Variants in TULP4 observed in about 807,000 individuals in gnomAD.
The protein encoded by TULP4 is TUB like protein 4, also known as tubby-related protein 4.
TULP4 carries 16 observed loss-of-function variants against 129.0 expected under a neutral mutation model. The ratio of observed to expected loss-of-function variants is 0.12; its 90% CI spans 0.08 to 0.19. The LOEUF (loss-of-function observed/expected upper bound fraction) is 0.19, where lower values mean the gene tolerates loss of function less well. Among genes scored for constraint, TULP4 ranks in the 10% least tolerant of loss-of-function variants. The pLI, the probability that TULP4 is intolerant of heterozygous loss-of-function variation, is 1.00. For synonymous variants in TULP4, 998 were observed against 854.0 expected (o/e 1.17, Z -2.94); for missense variants, 1,842 against 2,059.1 (o/e 0.89, Z 2.04).
At chr6:158,425,428 A>G (rs1583862197) in intron 2 of TULP4, among the ~76,000 whole-genome samples, 1 of 144,728 alleles carries the variant, frequency 6.9e-6, no homozygotes. Context: ...CCGGAGAATC[A>G]CTTGAACCTG....
At chr6:158,423,108 C>T (rs951070035) in intron 2 of TULP4, among the ~76,000 whole-genome samples, 1 of 123,992 alleles carries the variant, frequency 8.1e-6, no homozygotes, top group African/African-American at 3.2e-5. Flanking sequence ...AAGACCCCTT[C>T]CTCCACAAAA....
chr6:158,398,325 T>C (rs1398239913), intron 1 of TULP4, among the ~76,000 whole-genome samples: 3 of 152,164 alleles, frequency 2.0e-5, no homozygotes, highest in African/African-American at 7.2e-5. Context: ...TGGGAAGAGA[T>C]TTAGCAGTTC....
intron 1 of TULP4, among the ~76,000 whole-genome samples, chr6:158,405,474 A>G (rs1393161512): frequency 6.6e-6 from 1 of 152,246 alleles, no homozygotes; most frequent in East Asian, 1.9e-4. Flanking sequence ...TGTGGGGGTC[A>G]AAAGGGCACC....
intron 2 of TULP4, among the ~76,000 whole-genome samples, chr6:158,421,519 G>A (rs957789937): frequency 3.3e-5 from 5 of 152,168 alleles, no homozygotes; most frequent in Non-Finnish European, 7.3e-5. Flanking sequence ...TAATGTTCAG[G>A]TTAAAATAAA....
intron 1 of TULP4, among the ~76,000 whole-genome samples, chr6:158,377,980 A>G (rs1362945601): frequency 1.3e-5 from 2 of 152,198 alleles, no homozygotes; most frequent in African/African-American, 4.8e-5. Context: ...GGTCAGCTGC[A>G]TTCAGCAAAA....
intron 6 of TULP4, among the ~76,000 whole-genome samples, chr6:158,462,912 G>A (rs1434854260): frequency 6.6e-6 from 1 of 151,952 alleles, no homozygotes; most frequent in Non-Finnish European, 1.5e-5. Context: ...ACCACGCCCG[G>A]CTAATTTTTG....
chr6:158,248,267 C>A (rs1400277621), intron 1 of TULP4, among the ~76,000 whole-genome samples: 1 of 151,730 alleles, frequency 6.6e-6, no homozygotes, highest in Non-Finnish European at 1.5e-5. Context: ...CATAGCCAGG[C>A]CTCGTCTTTT....
intron 1 of TULP4, among the ~76,000 whole-genome samples, chr6:158,317,614 C>T (rs1234427612): frequency 2.0e-5 from 3 of 152,132 alleles, no homozygotes; most frequent in African/African-American, 7.2e-5. Context: ...GTGAATAGTG[C>T]CGCAATAAAC....
chr6:158,485,716 T>C (rs1224895951), intron 8 of TULP4, among the ~76,000 whole-genome samples: 2 of 152,212 alleles, frequency 1.3e-5, no homozygotes, highest in Admixed American at 1.3e-4. Flanking sequence ...GACACCCCAG[T>C]AGGCCTGGAG....
chr6:158,429,633 T>G, intron 2 of TULP4, 103 bp from the exon 3 acceptor site: 1 of 1,283,202 alleles, frequency 7.8e-7, no homozygotes, highest in Non-Finnish European at 1.1e-6. Context: ...TAAGGCCATC[T>G]CCATCTTAGC....
chr6:158,328,853 C>T (rs1198425303), intron 1 of TULP4, among the ~76,000 whole-genome samples: 1 of 152,160 alleles, frequency 6.6e-6, no homozygotes, highest in African/African-American at 2.4e-5. Context: ...ATGGAGCTAC[C>T]TATTGGGCCT....
At chr6:158,367,477 T>G (rs943080552) in intron 1 of TULP4, among the ~76,000 whole-genome samples, 1 of 152,170 alleles carries the variant, frequency 6.6e-6, no homozygotes, top group Non-Finnish European at 1.5e-5. Context: ...AATAAATAAC[T>G]TAGTAAAGAA....
chr6:158,502,812 G>C lies in TULP4; in HGVS notation c.3149G>C (p.Gly1050Ala). The change falls in exon 13 of 14, where the codon GGA (glycine) becomes GCA (alanine). Residue 1050 changes from glycine (G) to alanine (A), a missense_variant. Gly to Ala is a moderately conservative substitution (Grantham distance 60). Coordinates refer to ENST00000367097, the MANE Select transcript of TULP4 (RefSeq NM_020245.5). ...GGCACAGGGCCCAGCTCACAGCCCGGAGCCTCCCTGGCCCATACCGCCAGC... is the reference window on the plus strand; with the variant it reads ...GGCACAGGGCCCAGCTCACAGCCCGCAGCCTCCCTGGCCCATACCGCCAGC... ...CSGTGPSSQPGASLAHTASAS... is the reference protein window; with the variant it reads ...CSGTGPSSQPAASLAHTASAS... 1 of 1,612,032 alleles carries C rather than the reference G, an allele frequency of 6.2e-7. No homozygotes were observed. Among genetic ancestry groups the C allele is most frequent in the Non-Finnish European group, 8.5e-7 (1 of 1,179,810 alleles).
At chr6:158,494,064 G>C (rs919468617) in intron 10 of TULP4, among the ~76,000 whole-genome samples, 10 of 152,136 alleles carry the variant, frequency 6.6e-5, no homozygotes, top group African/African-American at 1.9e-4. Context: ...CCTGTCCCAT[G>C]CCTTGCCCTG....
At chr6:158,433,530 C>T (rs533317754) in intron 3 of TULP4, among the ~76,000 whole-genome samples, 210 of 152,192 alleles carry the variant, frequency 1.4e-3, no homozygotes, top group Middle Eastern at 6.8e-3. Flanking sequence ...CTGGCTAACA[C>T]GGTGAAACCC....
intron 1 of TULP4, among the ~76,000 whole-genome samples, chr6:158,330,531 CT>C (rs1583755465): frequency 6.6e-6 from 1 of 152,218 alleles, no homozygotes; most frequent in East Asian, 1.9e-4. Flanking sequence ...TTCTTCCCCC[CT>C]GGATCATTTG....
intron 5 of TULP4, 32 bp from the exon 6 acceptor site, chr6:158,461,531 T>A (rs1165660091): frequency 1.2e-6 from 2 of 1,604,400 alleles, no homozygotes; most frequent in African/African-American, 2.7e-5. Flanking sequence ...GAGGGCTGTG[T>A]CCTTGTGCTG....
At chr6:158,504,237 G>A in intron 13 of TULP4, 59 bp downstream of exon 13, 1 of 1,357,856 alleles carries the variant, frequency 7.4e-7, no homozygotes, top group Non-Finnish European at 9.9e-7. Context: ...CAGTGCTTCG[G>A]CCTTCAAGGA....
intron 1 of TULP4, among the ~76,000 whole-genome samples, chr6:158,315,043 C>T (rs1779457436): frequency 6.6e-6 from 1 of 152,202 alleles, no homozygotes. Flanking sequence ...TTACTCTTCA[C>T]TAGCTTATTT....
Sources: allele counts gnomAD v4.1 joint callset (sites outside exome capture counted in the v4.1 genomes callset), GRCh38; gene constraint gnomAD v4.1.1; transcripts MANE v1.5; gene names NCBI Gene and HGNC (gene_info 2026-07-23, HGNC 2026-07-21).